The following NRXN2 variants were observed in gnomAD, a reference collection of about 807,000 sequenced individuals.
NRXN2 encodes the protein neurexin-2-beta.
In NRXN2, 29 loss-of-function variants were observed where a neutral mutation model predicts 128.8. The ratio of observed to expected loss-of-function variants is 0.23; its 90% CI spans 0.17 to 0.31. NRXN2 has a LOEUF of 0.31. Ranked by LOEUF, NRXN2 falls within the 10% of genes least tolerant of loss-of-function variation. The pLI, the probability that NRXN2 is intolerant of heterozygous loss-of-function variation, is 1.00. For missense variants in NRXN2, 1,881 were observed against 2,452.6 expected (o/e 0.77, Z 4.92); for synonymous variants, 1,098 against 1,075.2 (o/e 1.02, Z -0.41).
chr11:64,616,610 C>A (rs1261835382), intron 22 of NRXN2, among the ~76,000 whole-genome samples: 1 of 152,182 alleles, frequency 6.6e-6, no homozygotes, highest in Non-Finnish European at 1.5e-5. Flanking sequence ...TGAGCCTAAG[C>A]ACATATTCAC....
chr11:64,704,786 C>T (rs552535235), intron 2 of NRXN2, among the ~76,000 whole-genome samples: 2 of 152,234 alleles, frequency 1.3e-5, no homozygotes, highest in Admixed American at 1.3e-4. Context: ...AGGGACAAAC[C>T]TCAGTGAAAG....
chr11:64,644,306 C>T (rs2046310746), intron 17 of NRXN2, among the ~76,000 whole-genome samples: 1 of 151,992 alleles, frequency 6.6e-6, no homozygotes, highest in Non-Finnish European at 1.5e-5. Context: ...CTCCCCACCA[C>T]CTCCCCAAAA....
chr11:64,608,192 T>G, intron 22 of NRXN2, 110 bp from the exon 23 acceptor site: 4 of 857,128 alleles, frequency 4.7e-6, no homozygotes, highest in East Asian at 2.7e-5. Flanking sequence ...CGGTTCCAAT[T>G]GGCTTTGGCG....
intron 2 of NRXN2, among the ~76,000 whole-genome samples, chr11:64,698,607 G>A (rs974105019): frequency 6.6e-6 from 1 of 152,200 alleles, no homozygotes; most frequent in Non-Finnish European, 1.5e-5. Flanking sequence ...GGATGGCCAT[G>A]CCAGTGGGGG....
chr11:64,666,873 T>C (rs1026281557), intron 9 of NRXN2, among the ~76,000 whole-genome samples: 14 of 152,062 alleles, frequency 9.2e-5, no homozygotes, highest in Non-Finnish European at 1.2e-4. Context: ...GGAAGATATA[T>C]TCTTAAAGGT....
intron 3 of NRXN2, 124 bp downstream of exon 3, chr11:64,697,651 C>T: frequency 8.9e-7 from 1 of 1,129,792 alleles, no homozygotes; most frequent in Middle Eastern, 2.0e-4. Context: ...CCCCAGACAT[C>T]CTTCTCCGGA....
chr11:64,655,720 T>A (rs2048176255), intron 11 of NRXN2, among the ~76,000 whole-genome samples: 1 of 151,998 alleles, frequency 6.6e-6, no homozygotes, highest in Non-Finnish European at 1.5e-5. Flanking sequence ...GACTCCACCC[T>A]CAGAAACACA....
At chr11:64,647,049 A>G (rs1196820524) in intron 17 of NRXN2, among the ~76,000 whole-genome samples, 1 of 152,142 alleles carries the variant, frequency 6.6e-6, no homozygotes, top group Admixed American at 6.5e-5. Flanking sequence ...CTCCTGTAAG[A>G]AACTCAGGAC....
At chr11:64,642,384 G>C (rs932338106) in intron 17 of NRXN2, among the ~76,000 whole-genome samples, 1 of 151,944 alleles carries the variant, frequency 6.6e-6, no homozygotes, top group Non-Finnish European at 1.5e-5. Context: ...ATGGGAGCTG[G>C]AGATTGGAGG....
intron 2 of NRXN2, among the ~76,000 whole-genome samples, chr11:64,701,343 CT>C (rs2055324916): frequency 6.6e-6 from 1 of 152,218 alleles, no homozygotes; most frequent in Admixed American, 6.5e-5. Flanking sequence ...ACCCCAACTT[CT>C]TCCTGTTTCT....
chr11:64,687,269 A>T (rs542992865), intron 5 of NRXN2, among the ~76,000 whole-genome samples: 2 of 152,354 alleles, frequency 1.3e-5, no homozygotes, highest in African/African-American at 4.8e-5. Context: ...TGGTGGAGGC[A>T]GGGCTCAGCA....
rs2039774810 is a variant in NRXN2 at position 64,607,280 on chromosome 11, C to T, written c.5055G>A (p.Gly1685=). 1 of 1,613,854 alleles carries T rather than the reference C, an allele frequency of 6.2e-7. No individual in the cohort carries two copies. Among genetic ancestry groups the T allele is most frequent in the South Asian group, 1.1e-5 (1 of 91,076 alleles). The change falls in exon 23 of 23, where the codon GGG becomes GGA. Residue 1685 remains glycine, a synonymous_variant. Transcript: ENST00000265459. The part of the protein sequence containing the change: ...NYISNSAQSN[G]AVVKEKAPAA... The stretch of plus-strand genomic sequence containing the variant: ...CCGGGGCCTTCTCTTTCACCACCGC[C>T]CCATTGCTCTGGGCCGAGTTACTGA...
chr11:64,678,684 T>A (rs1408052403), intron 6 of NRXN2, among the ~76,000 whole-genome samples: 3 of 152,030 alleles, frequency 2.0e-5, no homozygotes, highest in Admixed American at 6.6e-5. Flanking sequence ...ATTACCCCTG[T>A]CTTTGGGGAG....
At position 64,630,334 on chromosome 11, in the gene NRXN2, C is replaced by G; in HGVS notation, c.3757+68G>C. 1 of 1,458,632 alleles carries G rather than the reference C, an allele frequency of 6.9e-7. No homozygotes were observed. Among genetic ancestry groups the G allele is most frequent in the Admixed American group, 1.9e-5 (1 of 52,102 alleles). 90.4% of individuals were successfully genotyped at this position (1,458,632 alleles called of 1,614,324 possible). Reference sequence around the variant, plus strand: ...GCCGCTTAGCCCCGCCCCGGTGCGGCCGCACTCCTATCAGAGGCCGCCACC... The same window carrying G: ...GCCGCTTAGCCCCGCCCCGGTGCGGGCGCACTCCTATCAGAGGCCGCCACC... On this transcript the variant is annotated intron_variant, in intron 19 of 22. Coordinates refer to ENST00000265459, the MANE Select transcript of NRXN2 (RefSeq NM_015080.4). The surrounding 1 kb of genome is among the most constrained non-coding windows in gnomAD (Gnocchi z 4.6).
Position 64,622,181 on chromosome 11 carries a change from G to A in NRXN2, c.4173+572C>T, listed in dbSNP as rs2042447143. ...AGTCACATGGAGAGGGCTTGTGAAG[G>A]CAATGGACTTGCAGCCAGGGCTTTC... On this transcript the variant is annotated intron_variant, in intron 21 of 22. Coordinates refer to ENST00000265459, the MANE Select transcript of NRXN2 (RefSeq NM_015080.4). The surrounding 1 kb of genome is among the most constrained non-coding windows in gnomAD (Gnocchi z 4.3). Among the ~76,000 whole-genome samples, 3 of 152,316 alleles carry A rather than the reference G, an allele frequency of 2.0e-5. No homozygotes were observed. The South Asian group carries it at 6.2e-4, about 32-fold the overall frequency.
rs763821991 is a variant in NRXN2 at position 64,607,182 on chromosome 11, G to A, written c.*14C>T. The A allele has an allele frequency of 4.3e-6, 7 of 1,609,290 alleles. No homozygotes were observed. The highest frequency in any genetic ancestry group is 5.9e-6 in the Non-Finnish European group (7 of 1,176,782). On this transcript the variant is annotated 3_prime_UTR_variant, in exon 23 of 23. Coordinates refer to ENST00000265459, the MANE Select transcript of NRXN2 (RefSeq NM_015080.4). ...CAGGAGGGGCAGCTGGCAGTGGGGC[G>A]CAGTGCCGGGGGCTCAGACATAATA...
chr11:64,630,537 T>C lies in NRXN2; in HGVS notation c.3622A>G (p.Thr1208Ala). 6.2e-7 allele frequency: 1 copy of C among 1,614,058 alleles called. No homozygotes were observed. The highest frequency in any genetic ancestry group is 8.5e-7 in the Non-Finnish European group (1 of 1,180,020). ...GTVGVIFNVG[T>A]DDITIDEPNA... Reference sequence around the variant, plus strand: ...GGCTCGTCGATGGTAATGTCGTCCGTGCCCACGTTAAAGATCACCCCCACG... The same window carrying C: ...GGCTCGTCGATGGTAATGTCGTCCGCGCCCACGTTAAAGATCACCCCCACG... Residue 1208 changes from threonine (T) to alanine (A), a missense_variant, in exon 19 of 23, where the codon ACG (threonine) becomes GCG (alanine). Physicochemically the swap from Thr to Ala is moderately conservative, Grantham distance 58. Transcript: ENST00000265459. This position sits in a 1 kb window ranked among gnomAD's most constrained non-coding sequence, Gnocchi z 4.6.
intron 1 of NRXN2, among the ~76,000 whole-genome samples, chr11:64,718,689 A>C (rs933990478): frequency 5.3e-5 from 8 of 152,170 alleles, no homozygotes; most frequent in Admixed American, 2.6e-4. Context: ...GGAAGAGGAC[A>C]GCAGACTGCT....
At chr11:64,716,661 C>A (rs2057312888) in intron 1 of NRXN2, among the ~76,000 whole-genome samples, 1 of 152,078 alleles carries the variant, frequency 6.6e-6, no homozygotes, top group South Asian at 2.1e-4. Context: ...GGGCCTGCGG[C>A]CCCTCAAGGC....
Sources: gnomAD v4.1 joint callset for allele counts (sites outside exome capture counted in the v4.1 genomes callset) on GRCh38, gnomAD v4.1.1 for gene constraint, Gnocchi (gnomAD v3.1) non-coding constraint, MANE v1.5 for transcripts, NCBI Gene and HGNC (gene_info 2026-07-23, HGNC 2026-07-21) for gene names.